RPS3A: variants seen among roughly 807,000 people sequenced by gnomAD.
RPS3A encodes the protein ribosomal protein S3A, also known as small ribosomal subunit protein eS1.
A neutral mutation model predicts 26.4 loss-of-function variants in RPS3A; 1 was observed. The ratio of observed to expected loss-of-function variants is 0.04; its 90% CI spans 0.01 to 0.18. RPS3A has a LOEUF of 0.18. RPS3A is among the 10% of genes least tolerant of loss of function. RPS3A has a pLI of 1.00. For missense variants in RPS3A, 139 were observed against 326.8 expected, an observed-to-expected ratio of 0.43 and a Z score of 4.43; for synonymous variants, 97 against 106.1, an observed-to-expected ratio of 0.91 and a Z score of 0.53.
intron 3 of RPS3A, chr4:151,102,145 G>T: frequency 2.1e-6 from 1 of 486,854 alleles, no homozygotes; most frequent in Non-Finnish European, 4.1e-6. Flanking sequence ...AGGCTTTATG[G>T]TTTACATTTC....
At chr4:151,103,997 C>A in intron 4 of RPS3A, 180 bp from the exon 5 acceptor site, 20 of 1,506,778 alleles carry the variant, frequency 1.3e-5, no homozygotes, top group Non-Finnish European at 1.8e-5. Flanking sequence ...TAATTCAGAT[C>A]ATCTATCCTT....
intron 4 of RPS3A, chr4:151,103,942 C>T (rs1747248842): frequency 6.6e-7 from 1 of 1,521,234 alleles, no homozygotes; most frequent in Admixed American, 1.8e-5. Flanking sequence ...AAGCATAAGG[C>T]TTGGACTCAG....
chr4:151,099,747 T>C lies in RPS3A; in HGVS notation c.62+33T>C, dbSNP rs373723428. Reference sequence around the variant, plus strand: ...GCGACTGTCGTGGCGTCTTGCTTTTTGGGGGTCTGCTGGAATCGGCGGGCT... The same window carrying C: ...GCGACTGTCGTGGCGTCTTGCTTTTCGGGGGTCTGCTGGAATCGGCGGGCT... On this transcript the variant is annotated intron_variant, in intron 1 of 5. Coordinates refer to ENST00000274065, the MANE Select transcript of RPS3A (RefSeq NM_001006.5). 1.1e-5 allele frequency: 18 copies of C among 1,598,012 alleles called. No homozygotes were observed. The African/African-American group carries it at 2.1e-4, about 19-fold the overall frequency.
intron 5 of RPS3A, 59 bp downstream of exon 5, chr4:151,104,345 G>A (rs780411483): frequency 5.1e-6 from 8 of 1,577,884 alleles, no homozygotes; most frequent in Non-Finnish European, 6.9e-6. Context: ...GGGTGGAGGA[G>A]GAGTGTGGGG....
At chr4:151,102,432 C>T (rs1184763425) in intron 3 of RPS3A, among the ~76,000 whole-genome samples, 1 of 150,968 alleles carries the variant, frequency 6.6e-6, no homozygotes, top group African/African-American at 2.4e-5. Flanking sequence ...TAGCAGTCAC[C>T]TATTTACAAC....
intron 3 of RPS3A, 34 bp downstream of exon 3, chr4:151,101,196 A>T (rs145965647): frequency 4.1e-6 from 6 of 1,449,402 alleles, no homozygotes; most frequent in Non-Finnish European, 4.8e-6. Flanking sequence ...TGGTTGTGCT[A>T]TGGGTGTTTG....
rs375379046 is a variant in RPS3A at position 151,103,890 on chromosome 4, T to C, written c.564-287T>C. 9.8e-5 allele frequency: 142 copies of C among 1,451,166 alleles called. No individual in the cohort carries two copies. In the African/African-American group the frequency reaches 1.8e-3, roughly 18 times the overall value. The allele number at this position is 1,451,166 out of a possible 1,614,324, so 89.9% of individuals were successfully genotyped here. On this transcript the variant is annotated intron_variant, in intron 4 of 5. Coordinates refer to ENST00000274065, the MANE Select transcript of RPS3A (RefSeq NM_001006.5). Reference sequence around the variant, plus strand: ...CAGTGATAACAACATTTTTCTGATGTTCCCATGCAATATACAGTTAGCTAA... The same window carrying C: ...CAGTGATAACAACATTTTTCTGATGCTCCCATGCAATATACAGTTAGCTAA...
chr4:151,103,229 A>G, intron 4 of RPS3A, 150 bp downstream of exon 4: 1 of 1,350,368 alleles, frequency 7.4e-7, no homozygotes, highest in Non-Finnish European at 9.8e-7. Flanking sequence ...AAGAGTGTTA[A>G]GTACTCAGTA....
chr4:151,102,660 G>A (rs1747181303), intron 3 of RPS3A: 1 of 563,656 alleles, frequency 1.8e-6, no homozygotes, highest in East Asian at 3.2e-5. Context: ...GGGCAGTTGA[G>A]AGGACCTGGT....
intron 4 of RPS3A, 92 bp from the exon 5 acceptor site, chr4:151,104,085 G>A (rs1261271125): frequency 4.0e-6 from 6 of 1,518,988 alleles, no homozygotes; most frequent in Non-Finnish European, 5.3e-6. Context: ...TTATGTGTAG[G>A]TTTATTCCAA....
In RPS3A at chr4:151,100,445, T is replaced by C. The variant is rs372908513; in HGVS notation, c.63-40T>C. 4.6e-6 allele frequency: 5 copies of C among 1,096,478 alleles called. No homozygotes were observed. The African/African-American group carries it at 6.2e-5, about 14-fold the overall frequency. 67.9% of individuals were successfully genotyped at this position (1,096,478 alleles called of 1,614,324 possible). A position where few individuals can be genotyped will look rare whatever the true frequency, so the allele number is the denominator to read the frequency against. ...TTAACAGTGAAAAATACAGTAAGAATTGATCTGCAATGGAACTTAAGCATC... is the reference window on the plus strand; with the variant it reads ...TTAACAGTGAAAAATACAGTAAGAACTGATCTGCAATGGAACTTAAGCATC... On this transcript the variant is annotated intron_variant, in intron 1 of 5. Coordinates refer to ENST00000274065, the MANE Select transcript of RPS3A (RefSeq NM_001006.5).
chr4:151,104,450 T>TTTTTTTTTTTTTTG (rs1747279724), intron 5 of RPS3A, 22 bp from the exon 6 acceptor site: 1 of 1,397,876 alleles, frequency 7.2e-7, no homozygotes. Context: ...TTTTTTTTTT[T>TTTTTTTTTTTTTTG]TTTTTTTTTT....
chr4:151,099,810 C>T (rs1747034009), intron 1 of RPS3A, 96 bp downstream of exon 1: 3 of 1,331,638 alleles, frequency 2.3e-6, no homozygotes, highest in Non-Finnish European at 3.2e-6. Context: ...GGCGAGGATT[C>T]CAGTCGGATT....
intron 1 of RPS3A, 65 bp downstream of exon 1, chr4:151,099,779 A>C (rs1747032729): frequency 2.0e-6 from 3 of 1,522,520 alleles, no homozygotes; most frequent in South Asian, 1.2e-5. Flanking sequence ...GGCTGGTCCT[A>C]GATCGCGGCG....
rs781292065 is a variant in RPS3A, at chr4:151,103,937, TAAGGCTTGGA to T, written c.564-239_564-230del. On this transcript the variant is annotated intron_variant, in intron 4 of 5. Coordinates refer to ENST00000274065, the MANE Select transcript of RPS3A (RefSeq NM_001006.5). ...CTAAGAGGGTGTAATGGAAAAAGCA[TAAGGCTTGGA>T]CTCAGAAGACTCTACTAACTTTGCC... The T allele has an allele frequency of 6.6e-6, 10 of 1,520,402 alleles. No individual in the cohort carries two copies. In the South Asian group the frequency reaches 1.0e-4, roughly 16 times the overall value. The allele number at this position is 1,520,402 out of a possible 1,614,324, so 94.2% of individuals were successfully genotyped here.
chr4:151,103,897 G>A, intron 4 of RPS3A: 1 of 1,461,662 alleles, frequency 6.8e-7, no homozygotes, highest in Admixed American at 1.8e-5. Flanking sequence ...ATGTTCCCAT[G>A]CAATATACAG....
chr4:151,104,438 G>GTTTTTT, intron 5 of RPS3A, 34 bp from the exon 6 acceptor site: 2 of 370,330 alleles, frequency 5.4e-6, no homozygotes, highest in Non-Finnish European at 8.1e-6. Flanking sequence ...ACAGTTTTTT[G>GTTTTTT]GTTTTTTTTT....
chr4:151,100,819 G>A (rs186665224), intron 2 of RPS3A, among the ~76,000 whole-genome samples, 156 bp from the exon 3 acceptor site: 4 of 152,322 alleles, frequency 2.6e-5, no homozygotes, highest in East Asian at 3.9e-4. Flanking sequence ...CTTCAAATAA[G>A]TACTGTTGAT....
rs915613600 is a variant in RPS3A, at chr4:151,100,566, C to T, written c.144C>T (p.Leu48=). 12 of 1,595,172 alleles carry T rather than the reference C, an allele frequency of 7.5e-6. No individual in the cohort carries two copies. The highest frequency in any genetic ancestry group is 1.1e-5 in the South Asian group (1 of 90,644). Residue 48 remains leucine, a synonymous_variant, in exon 2 of 6, where the codon CTC becomes CTT. Coordinates refer to ENST00000274065, the MANE Select transcript of RPS3A (RefSeq NM_001006.5). ...ATATAAGAAATATTGGAAAGACGCT[C>T]GTCACCAGGACCCAAGGAACCAGTA... ...MFNIRNIGKT[L]VTRTQGTKIA...
Sources: gnomAD v4.1 joint callset for allele counts (sites outside exome capture counted in the v4.1 genomes callset) on GRCh38, gnomAD v4.1.1 for gene constraint, MANE v1.5 for transcripts, NCBI Gene and HGNC (gene_info 2026-07-23, HGNC 2026-07-21) for gene names.